The following MPPED2 variants were observed in gnomAD, a reference collection of about 807,000 sequenced individuals.
The protein encoded by MPPED2 is metallophosphoesterase domain containing 2.
Under a neutral mutation model 33.0 loss-of-function variants are expected in MPPED2, and 5 were observed. That is an observed-to-expected ratio of 0.15 (90% CI 0.08 to 0.32). The LOEUF is 0.32. Among genes scored for constraint, MPPED2 ranks in the 10% least tolerant of loss-of-function variants. MPPED2 has a pLI of 1.00. For missense variants in MPPED2, 275 were observed against 372.1 expected (o/e 0.74, Z 2.15); for synonymous variants, 136 against 141.9 (o/e 0.96, Z 0.29).
At chr11:30,455,639 C>T (rs139759680) in intron 4 of MPPED2, among the ~76,000 whole-genome samples, 1 of 152,288 alleles carries the variant, frequency 6.6e-6, no homozygotes, top group African/African-American at 2.4e-5. Context: ...CGCTTTCCTC[C>T]CCATATGGGA....
In MPPED2 at chr11:30,448,648, C is replaced by A. The variant is rs764357888; in HGVS notation, c.537-31015G>T. Among the ~76,000 whole-genome samples, 58 of 152,106 alleles carry A rather than the reference C, an allele frequency of 3.8e-4. 1 individual carries two copies. Among genetic ancestry groups the A allele is most frequent in the South Asian group, 2.5e-3 (12 of 4,814 alleles). On this transcript the variant is annotated intron_variant, in intron 4 of 6. Coordinates refer to ENST00000358117, the MANE Select transcript of MPPED2 (RefSeq NM_001584.3). ...GATTAACATTTTTATGTTTAGAAGG[C>A]CTTTCTTGAAATCTCAGAGAAGCAC...
chr11:30,515,551 T>C (rs1035136143), intron 3 of MPPED2, among the ~76,000 whole-genome samples: 3 of 152,160 alleles, frequency 2.0e-5, no homozygotes, highest in Non-Finnish European at 2.9e-5. Flanking sequence ...TTGAATTGAA[T>C]TGTCTCTCCT....
chr11:30,498,399 A>C (rs552139973), intron 3 of MPPED2, among the ~76,000 whole-genome samples: 2 of 152,252 alleles, frequency 1.3e-5, no homozygotes, highest in Non-Finnish European at 2.9e-5. Context: ...AGCCTGGCCA[A>C]TGTGATAAAA....
At chr11:30,571,707 A>G (rs151295732) in intron 2 of MPPED2, among the ~76,000 whole-genome samples, 1 of 152,184 alleles carries the variant, frequency 6.6e-6, no homozygotes, top group Non-Finnish European at 1.5e-5. Context: ...AGATCTTCCA[A>G]GACTCAGTAA....
chr11:30,498,856 TG>T (rs1219438304), intron 3 of MPPED2, among the ~76,000 whole-genome samples: 1 of 152,092 alleles, frequency 6.6e-6, no homozygotes, highest in Admixed American at 6.6e-5. Context: ...AAAGTGACAA[TG>T]GTAGGAAGTG....
intron 4 of MPPED2, among the ~76,000 whole-genome samples, chr11:30,468,229 TACACACAC>T (rs1174150864): frequency 6.8e-6 from 1 of 147,268 alleles, no homozygotes; most frequent in South Asian, 2.2e-4. Flanking sequence ...TGGCATACTA[TACACACAC>T]ACACACACAC....
At chr11:30,421,753 T>G (rs1486958035) in intron 4 of MPPED2, among the ~76,000 whole-genome samples, 2 of 152,192 alleles carry the variant, frequency 1.3e-5, no homozygotes, top group African/African-American at 2.4e-5. Flanking sequence ...ATTTCAGTTT[T>G]TGCTCTCATA....
intron 6 of MPPED2, among the ~76,000 whole-genome samples, chr11:30,394,793 G>T (rs1410859614): frequency 1.3e-5 from 2 of 152,018 alleles, no homozygotes; most frequent in African/African-American, 2.4e-5. Context: ...ATCAGGTATT[G>T]TATTATTGGT....
At chr11:30,396,941 A>T (rs1947846298) in intron 6 of MPPED2, among the ~76,000 whole-genome samples, 1 of 152,138 alleles carries the variant, frequency 6.6e-6, no homozygotes, top group Non-Finnish European at 1.5e-5. Context: ...GACCACTAAT[A>T]TGCTCAATCT....
chr11:30,551,326 T>TA (rs1341099320), intron 2 of MPPED2, among the ~76,000 whole-genome samples: 1 of 152,202 alleles, frequency 6.6e-6, no homozygotes, highest in East Asian at 1.9e-4. Flanking sequence ...ATACTGGACT[T>TA]ACAAGGTTAC....
chr11:30,411,666 CA>C (rs1331758388), intron 6 of MPPED2, 80 bp from the exon 7 acceptor site: 1 of 1,327,250 alleles, frequency 7.5e-7, no homozygotes, highest in Non-Finnish European at 1.0e-6. Flanking sequence ...GCAAGGAAAA[CA>C]AAAAATTTTT....
At chr11:30,528,908 T>A (rs1454089672) in intron 3 of MPPED2, among the ~76,000 whole-genome samples, 1 of 152,200 alleles carries the variant, frequency 6.6e-6, no homozygotes, top group African/African-American at 2.4e-5. Context: ...CATAATTTTT[T>A]AAAAATACAC....
intron 2 of MPPED2, among the ~76,000 whole-genome samples, chr11:30,571,580 A>C (rs1048505204): frequency 1.3e-5 from 2 of 152,198 alleles, no homozygotes; most frequent in Non-Finnish European, 2.9e-5. Flanking sequence ...TAACCATGCT[A>C]GGATAGCTAC....
At chr11:30,463,523 G>T (rs539258403) in intron 4 of MPPED2, among the ~76,000 whole-genome samples, 30 of 152,162 alleles carry the variant, frequency 2.0e-4, no homozygotes, top group African/African-American at 7.0e-4. Flanking sequence ...CAGCCAGCAG[G>T]CTCAGTCTCT....
chr11:30,464,296 C>CACACACACACACAA (rs1950621620), intron 4 of MPPED2, among the ~76,000 whole-genome samples: 1 of 151,766 alleles, frequency 6.6e-6, no homozygotes, highest in Non-Finnish European at 1.5e-5. Context: ...CACACACACA[C>CACACACACACACAA]ACATACCACT....
chr11:30,517,247 G>A (rs1028980121), intron 3 of MPPED2, among the ~76,000 whole-genome samples: 20 of 151,962 alleles, frequency 1.3e-4, no homozygotes, highest in African/African-American at 4.8e-4. Context: ...CAAAAGCATT[G>A]TTACTGCTGA....
intron 4 of MPPED2, among the ~76,000 whole-genome samples, chr11:30,442,738 G>A (rs1168519722): frequency 5.3e-5 from 8 of 152,154 alleles, no homozygotes; most frequent in Admixed American, 2.0e-4. Flanking sequence ...AGCCAGGCAC[G>A]GTGACTCACA....
At chr11:30,458,490 T>G (rs544938636) in intron 4 of MPPED2, among the ~76,000 whole-genome samples, 5 of 152,210 alleles carry the variant, frequency 3.3e-5, no homozygotes, top group Non-Finnish European at 7.3e-5. Context: ...AAGATCACAA[T>G]TATCCATGTC....
At chr11:30,466,759 G>A (rs1242099061) in intron 4 of MPPED2, among the ~76,000 whole-genome samples, 4 of 152,108 alleles carry the variant, frequency 2.6e-5, no homozygotes, top group African/African-American at 9.7e-5. Context: ...ACAGTGCTTT[G>A]TGGCCCCAAA....
Sources: gnomAD v4.1 joint callset for allele counts (sites outside exome capture counted in the v4.1 genomes callset) on GRCh38, gnomAD v4.1.1 for gene constraint, MANE v1.5 for transcripts, NCBI Gene and HGNC (gene_info 2026-07-23, HGNC 2026-07-21) for gene names.